ERC1: variants seen among roughly 807,000 people sequenced by gnomAD.
The protein encoded by ERC1 is RAB6 interacting protein 2.
In ERC1, 56 loss-of-function variants were observed where a neutral mutation model predicts 132.0. That is an observed-to-expected ratio of 0.42 (90% CI 0.34 to 0.53). ERC1 has a LOEUF of 0.53. Among genes scored for constraint, ERC1 ranks in the 20% least tolerant of loss-of-function variants. The pLI, the probability that ERC1 is intolerant of heterozygous loss-of-function variation, is 0.03. For missense variants in ERC1, 1,202 were observed against 1,349.9 expected, an observed-to-expected ratio of 0.89 and a Z score of 1.72; for synonymous variants, 478 against 476.1, an observed-to-expected ratio of 1.00 and a Z score of -0.05.
At chr12:1,236,979 A>T in intron 13 of ERC1, 75 bp downstream of exon 13, 3 of 1,534,136 alleles carry the variant, frequency 2.0e-6, no homozygotes, top group Non-Finnish European at 1.8e-6. Context: ...TTTTCTCTTC[A>T]TCTTTATCCT....
At chr12:1,130,471 G>C (rs1350783300) in intron 7 of ERC1, among the ~76,000 whole-genome samples, 1 of 152,166 alleles carries the variant, frequency 6.6e-6, no homozygotes, top group Non-Finnish European at 1.5e-5. Flanking sequence ...GGTTTGCAGA[G>C]GCCAAGAGTT....
chr12:1,111,549 A>G (rs1945859925), intron 5 of ERC1, among the ~76,000 whole-genome samples: 1 of 151,992 alleles, frequency 6.6e-6, no homozygotes, highest in African/African-American at 2.4e-5. Flanking sequence ...AGACTCTATT[A>G]TTAATTATTT....
chr12:1,339,982 CAT>C (rs2083675844), intron 15 of ERC1, among the ~76,000 whole-genome samples: 1 of 152,140 alleles, frequency 6.6e-6, no homozygotes, highest in South Asian at 2.1e-4. Flanking sequence ...TCCACGTACA[CAT>C]GTGCTGGCAA....
intron 15 of ERC1, among the ~76,000 whole-genome samples, chr12:1,340,893 T>G (rs2083772459): frequency 6.6e-6 from 1 of 152,042 alleles, no homozygotes; most frequent in Non-Finnish European, 1.5e-5. Flanking sequence ...AGCCACTGTG[T>G]CCAGCCTAGT....
At chr12:1,429,870 C>G (rs895567029) in intron 17 of ERC1, among the ~76,000 whole-genome samples, 1 of 152,104 alleles carries the variant, frequency 6.6e-6, no homozygotes, top group African/African-American at 2.4e-5. Flanking sequence ...CATAGTAGTT[C>G]GGGTGTATGT....
chr12:1,245,772 G>A (rs1417325171), intron 13 of ERC1, among the ~76,000 whole-genome samples: 1 of 152,094 alleles, frequency 6.6e-6, no homozygotes, highest in South Asian at 2.1e-4. Context: ...CCTTAGATAT[G>A]AATACTCTTC....
At chr12:1,234,395 A>G (rs1344677380) in intron 12 of ERC1, among the ~76,000 whole-genome samples, 2 of 152,242 alleles carry the variant, frequency 1.3e-5, no homozygotes, top group Admixed American at 6.5e-5. Context: ...GATATTTTCA[A>G]CTTATGGTGG....
rs74057013 is a variant in ERC1, at chr12:1,097,129, T to C, written c.1087-7621T>C. Among the ~76,000 whole-genome samples the C allele has an allele frequency of 9.2e-3, 1,401 of 152,330 alleles. 19 individuals are homozygous for C. The highest frequency in any genetic ancestry group is 0.031 in the African/African-American group (1,273 of 41,560). ...TCGTGCAGTTGGAGCATTTCTTGGC[T>C]TATTAGCTGGAATGACAATTCCATC... On this transcript the variant is annotated intron_variant, in intron 3 of 18. Coordinates refer to ENST00000360905, the MANE Select transcript of ERC1 (RefSeq NM_178040.4).
chr12:1,151,800 G>A (rs949159058), intron 8 of ERC1: 1 of 152,234 alleles, frequency 6.6e-6, no homozygotes, highest in Admixed American at 6.5e-5. Flanking sequence ...TAGCCACCAA[G>A]TAAGACTAGG....
chr12:1,042,333 G>A (rs1050272346), intron 2 of ERC1, among the ~76,000 whole-genome samples: 6 of 137,470 alleles, frequency 4.4e-5, no homozygotes, highest in East Asian at 2.2e-4. Context: ...CATTGCGCCC[G>A]GCCTGTTTTT....
intron 2 of ERC1, among the ~76,000 whole-genome samples, chr12:1,060,391 T>C (rs1241526010): frequency 1.3e-5 from 2 of 151,870 alleles, no homozygotes; most frequent in Admixed American, 6.6e-5. Context: ...GTGTTCTCAT[T>C]GTTCAATTCC....
At chr12:1,060,338 C>G (rs1025128493) in intron 2 of ERC1, among the ~76,000 whole-genome samples, 1 of 151,796 alleles carries the variant, frequency 6.6e-6, no homozygotes, top group Admixed American at 6.6e-5. Context: ...TCCCCCACCC[C>G]ACAACAGTCC....
chr12:1,389,839 T>C (rs1439867755), intron 16 of ERC1, among the ~76,000 whole-genome samples: 19 of 152,226 alleles, frequency 1.2e-4, no homozygotes, highest in Non-Finnish European at 5.9e-5. Context: ...CTATTTTCCT[T>C]AAAAGCACCT....
At chr12:1,014,485 A>G (rs1172766757) in intron 1 of ERC1, among the ~76,000 whole-genome samples, 1 of 152,142 alleles carries the variant, frequency 6.6e-6, no homozygotes, top group Non-Finnish European at 1.5e-5. Context: ...CAAAAAAAGT[A>G]AAGTAATACA....
At chr12:1,219,549 A>G (rs73593978) in intron 12 of ERC1, among the ~76,000 whole-genome samples, 8,116 of 152,086 alleles carry the variant, frequency 0.053, 469 homozygotes, top group African/African-American at 0.15. Context: ...CCGTTGCTCA[A>G]ATTACTGCAG....
chr12:1,484,155 A>C (rs1228092137), intron 18 of ERC1, among the ~76,000 whole-genome samples: 1 of 151,858 alleles, frequency 6.6e-6, no homozygotes, highest in Non-Finnish European at 1.5e-5. Context: ...AATACAAAAA[A>C]TTAGCCGAGC....
At chr12:1,266,597 G>T (rs1160960241) in intron 14 of ERC1, among the ~76,000 whole-genome samples, 1 of 151,460 alleles carries the variant, frequency 6.6e-6, no homozygotes, top group Non-Finnish European at 1.5e-5. Context: ...TAGAGACGGG[G>T]TTTCACCATG....
intron 2 of ERC1, among the ~76,000 whole-genome samples, chr12:1,029,818 G>A (rs1434526845): frequency 2.1e-5 from 3 of 140,236 alleles, no homozygotes; most frequent in Non-Finnish European, 4.5e-5. Context: ...CGCAATCTCA[G>A]TTCGCTGCAA....
At chr12:995,613 T>C (rs572599194) in intron 1 of ERC1, among the ~76,000 whole-genome samples, 3 of 152,146 alleles carry the variant, frequency 2.0e-5, no homozygotes, top group Non-Finnish European at 4.4e-5. Context: ...TTTATGATTA[T>C]GAGATAGGTG....
Sources: gnomAD v4.1 joint callset for allele counts (sites outside exome capture counted in the v4.1 genomes callset) on GRCh38, gnomAD v4.1.1 for gene constraint, MANE v1.5 for transcripts, NCBI Gene and HGNC (gene_info 2026-07-23, HGNC 2026-07-21) for gene names.